OTUD4: variants seen among roughly 807,000 people sequenced by gnomAD.
OTUD4 encodes the protein OTU deubiquitinase 4.
In OTUD4, 24 loss-of-function variants were observed where a neutral mutation model predicts 130.4. That is an observed-to-expected ratio of 0.18 (90% confidence interval 0.13 to 0.26). OTUD4 has a LOEUF of 0.26. Ranked by LOEUF, OTUD4 falls within the 10% of genes least tolerant of loss-of-function variation. The pLI, the probability that OTUD4 is intolerant of heterozygous loss-of-function variation, is 1.00. For synonymous variants in OTUD4, 420 were observed against 472.5 expected, an observed-to-expected ratio of 0.89 and a Z score of 1.44; for missense variants, 1,031 against 1,329.4, an observed-to-expected ratio of 0.78 and a Z score of 3.49.
chr4:145,168,084 GCAT>G (rs1048602310), intron 3 of OTUD4, among the ~76,000 whole-genome samples: 22 of 151,892 alleles, frequency 1.4e-4, no homozygotes, highest in African/African-American at 4.1e-4. Context: ...TACTTAATCA[GCAT>G]TTTTTATGAT....
intron 6 of OTUD4, 132 bp downstream of exon 6, chr4:145,162,508 C>T (rs1425249192): frequency 2.3e-5 from 11 of 484,848 alleles, no homozygotes; most frequent in Non-Finnish European, 3.7e-5. Context: ...GCGGAGATCA[C>T]GCCACTGCAC....
chr4:145,173,277 C>T (rs1752263878), intron 2 of OTUD4, among the ~76,000 whole-genome samples: 1 of 152,114 alleles, frequency 6.6e-6, no homozygotes, highest in Non-Finnish European at 1.5e-5. Context: ...ACCTGTAGAC[C>T]CAGCTACACT....
At position 145,169,255 on chromosome 4, in the gene OTUD4, T is replaced by C. The variant is rs1017378279; in HGVS notation, c.294+2415A>G. 4.6e-5 allele frequency among the ~76,000 whole-genome samples: 7 copies of C among 152,324 alleles called. No individual in the cohort carries two copies. In the East Asian group the frequency reaches 1.3e-3, roughly 29 times the overall value. ...ACACTTGTCAAATCTCATCAAATTG[T>C]ATATTTATAAGTGATGAATTTCACT... On this transcript the variant is annotated intron_variant, in intron 3 of 20. Transcript: ENST00000447906.
At chr4:145,170,504 G>A (rs549263141) in intron 3 of OTUD4, among the ~76,000 whole-genome samples, 64 of 152,298 alleles carry the variant, frequency 4.2e-4, no homozygotes, top group African/African-American at 1.5e-3. Flanking sequence ...TGTCTACCCA[G>A]CTAGAAATAA....
chr4:145,167,106 C>T, intron 3 of OTUD4, among the ~76,000 whole-genome samples: 1 of 152,130 alleles, frequency 6.6e-6, no homozygotes, highest in Middle Eastern at 3.4e-3. Flanking sequence ...GAATTTTCAC[C>T]CTTTATTCTA....
rs1488094177 is a variant in OTUD4, at chr4:145,152,629, A to G, written c.880T>C (p.Leu294=). ...TTCAAAAATTTTCCATTGTGATCCA[A>G]CCTAACCTGTTAAAAATTCCAAAAA... ...YEVGDKCQVR[L]DHNGKFLNAD... is the part of the protein sequence containing the mutation. Residue 294 remains leucine (L), a synonymous_variant, in exon 11 of 21, where the codon TTG becomes CTG. Coordinates refer to ENST00000447906, the MANE Select transcript of OTUD4 (RefSeq NM_001366057.1). The G allele has an allele frequency of 6.3e-7, 1 of 1,587,160 alleles. No individual in the cohort carries two copies. Among genetic ancestry groups the G allele is most frequent in the Admixed American group, 1.8e-5 (1 of 57,022 alleles).
chr4:145,165,689 C>G (rs192734650), intron 3 of OTUD4, among the ~76,000 whole-genome samples: 21 of 151,870 alleles, frequency 1.4e-4, no homozygotes, highest in Admixed American at 1.1e-3. Context: ...GTTGGTCAGG[C>G]TGGTCTCAAC....
chr4:145,160,190 G>A (rs547129177), intron 6 of OTUD4, among the ~76,000 whole-genome samples: 2 of 152,316 alleles, frequency 1.3e-5, no homozygotes, highest in South Asian at 2.1e-4. Context: ...TTGGATGCTA[G>A]TCTAAGCTTT....
intron 2 of OTUD4, among the ~76,000 whole-genome samples, chr4:145,172,039 G>A (rs1239094554): frequency 2.0e-5 from 3 of 152,248 alleles, no homozygotes; most frequent in Admixed American, 6.5e-5. Context: ...CCAATGTGGC[G>A]TGAGGAGGAA....
intron 1 of OTUD4, among the ~76,000 whole-genome samples, chr4:145,176,931 G>C (rs954432449): frequency 2.6e-5 from 4 of 152,198 alleles, no homozygotes; most frequent in African/African-American, 9.6e-5. Context: ...TTTGTTTTCA[G>C]TGTAATAACT....
chr4:145,145,701 G>A (rs1272303694), intron 14 of OTUD4, among the ~76,000 whole-genome samples: 2 of 152,272 alleles, frequency 1.3e-5, no homozygotes, highest in Non-Finnish European at 2.9e-5. Context: ...ACCTCACAGA[G>A]CACATACTTC....
At chr4:145,172,131 C>T (rs955324861) in intron 2 of OTUD4, among the ~76,000 whole-genome samples, 3 of 152,148 alleles carry the variant, frequency 2.0e-5, no homozygotes, top group Admixed American at 6.5e-5. Flanking sequence ...GGAGAAGAAC[C>T]CAAAGGGGGG....
chr4:145,162,852 T>A, intron 5 of OTUD4, 131 bp from the exon 6 acceptor site: 1 of 491,222 alleles, frequency 2.0e-6, no homozygotes. Flanking sequence ...AGGAGTAACC[T>A]AAAGCTTCAG....
In OTUD4 at chr4:145,155,660, A is replaced by G. The variant is rs751704291; in HGVS notation, c.717T>C (p.Thr239=). 5 of 1,609,304 alleles carry G rather than the reference A, an allele frequency of 3.1e-6. No homozygotes were observed. In the African/African-American group the frequency reaches 4.0e-5, roughly 13 times the overall value. Reference sequence around the variant, plus strand: ...GAACCTTTCTAGACAAAGGCAGGCTAGTAGAGTTCCCATTGTTCTTCAGCT... The same window carrying G: ...GAACCTTTCTAGACAAAGGCAGGCTGGTAGAGTTCCCATTGTTCTTCAGCT... ...NEQLKNNGNS[T]SLPLSRKVLK... The change falls in exon 9 of 21, where the codon ACT becomes ACC. Residue 239 remains threonine (T), a synonymous_variant. Coordinates refer to ENST00000447906, the MANE Select transcript of OTUD4 (RefSeq NM_001366057.1).
At chr4:145,154,400 C>T (rs1352101345) in intron 10 of OTUD4, among the ~76,000 whole-genome samples, 10 of 152,146 alleles carry the variant, frequency 6.6e-5, no homozygotes, top group African/African-American at 2.2e-4. Context: ...TCACATAAAC[C>T]AATTTATCAT....
At chr4:145,155,326 T>G in intron 10 of OTUD4, 85 bp downstream of exon 10, 1 of 1,005,368 alleles carries the variant, frequency 9.9e-7, no homozygotes, top group Non-Finnish European at 1.6e-6. Context: ...AACAACACAT[T>G]CACACCTCAG....
At chr4:145,138,679 CAA>C (rs747980274) in intron 20 of OTUD4, 29 bp from the exon 21 acceptor site, 1 of 1,559,780 alleles carries the variant, frequency 6.4e-7, no homozygotes, top group Non-Finnish European at 8.6e-7. Context: ...GTTAAATAAA[CAA>C]AAGAGGAGAA....
chr4:145,146,070 T>C (rs909783146), intron 14 of OTUD4, 197 bp downstream of exon 14: 4 of 366,054 alleles, frequency 1.1e-5, no homozygotes, highest in South Asian at 1.2e-4. Context: ...TCATCAACCT[T>C]TTAGTAATAT....
At chr4:145,143,532 CCTGTATCTGA>C in intron 16 of OTUD4, 87 bp from the exon 17 acceptor site, 1 of 750,036 alleles carries the variant, frequency 1.3e-6, no homozygotes, top group South Asian at 1.7e-5. Context: ...ATTCACCCTA[CCTGTATCTGA>C]CAGAACCCTC....
Sources: allele counts gnomAD v4.1 joint callset (sites outside exome capture counted in the v4.1 genomes callset), GRCh38; gene constraint gnomAD v4.1.1; transcripts MANE v1.5; gene names NCBI Gene and HGNC (gene_info 2026-07-23, HGNC 2026-07-21).